MAD1L1: variants seen among roughly 807,000 people sequenced by gnomAD.
MAD1L1 encodes the protein mitotic arrest deficient 1 like 1.
In MAD1L1, 95 loss-of-function variants were observed where a neutral mutation model predicts 96.9. The observed-to-expected ratio is 0.98, with a 90% CI of 0.83 to 1.16. The LOEUF is 1.16. MAD1L1 is among the 50% of genes most tolerant of loss of function. MAD1L1 has a pLI of 0.00. For missense variants in MAD1L1, 1,007 were observed against 954.4 expected (o/e 1.06, Z -0.73); for synonymous variants, 473 against 396.6 (o/e 1.19, Z -2.29).
intron 18 of MAD1L1, among the ~76,000 whole-genome samples, chr7:1,860,312 C>G (rs1303752355): frequency 6.9e-6 from 1 of 144,272 alleles, no homozygotes; most frequent in African/African-American, 2.6e-5. Flanking sequence ...GACCTGACAT[C>G]TGGCGGGGCG....
In MAD1L1 at chr7:1,837,095, T is replaced by C. The variant is rs541646935; in HGVS notation, c.1999-20867A>G. On this transcript the variant is annotated intron_variant, in intron 18 of 18. Transcript: ENST00000265854. ...TGATGAAGGATTTGCATCTGGAGTATACAAAGAACTCTCAAAACTCATTAA... is the reference window on the plus strand; with the variant it reads ...TGATGAAGGATTTGCATCTGGAGTACACAAAGAACTCTCAAAACTCATTAA... 2.6e-5 allele frequency among the ~76,000 whole-genome samples: 4 copies of C among 152,258 alleles called. 1 individual carries two copies. In the South Asian group the frequency reaches 6.2e-4, roughly 24 times the overall value.
intron 11 of MAD1L1, among the ~76,000 whole-genome samples, chr7:2,100,312 C>T (rs2128550414): frequency 6.6e-6 from 1 of 152,344 alleles, no homozygotes; most frequent in East Asian, 1.9e-4. Flanking sequence ...TCTTGAAACT[C>T]TATGGCAGAA....
intron 14 of MAD1L1, among the ~76,000 whole-genome samples, chr7:1,983,539 T>G (rs532215807): frequency 1.6e-4 from 25 of 152,372 alleles, no homozygotes; most frequent in African/African-American, 5.8e-4. Context: ...GAGATATAAT[T>G]CATAATTCTT....
intron 18 of MAD1L1, among the ~76,000 whole-genome samples, chr7:1,859,841 G>A (rs1368794281): frequency 6.8e-6 from 1 of 146,674 alleles, no homozygotes; most frequent in Non-Finnish European, 1.5e-5. Flanking sequence ...CCTTAGACAT[G>A]ATACCCGGCG....
At chr7:2,135,127 A>C (rs769310736) in intron 11 of MAD1L1, among the ~76,000 whole-genome samples, 1 of 152,366 alleles carries the variant, frequency 6.6e-6, no homozygotes, top group Non-Finnish European at 1.5e-5. Context: ...AAAGGTGTGA[A>C]GGAACGGTGA....
At chr7:2,005,856 C>A (rs1782008018) in intron 13 of MAD1L1, among the ~76,000 whole-genome samples, 1 of 152,172 alleles carries the variant, frequency 6.6e-6, no homozygotes, top group Admixed American at 6.5e-5. Flanking sequence ...TTGTAACCGG[C>A]TGCATCTTCC....
intron 11 of MAD1L1, among the ~76,000 whole-genome samples, chr7:2,116,637 G>A (rs536719395): frequency 6.1e-4 from 92 of 151,174 alleles, no homozygotes; most frequent in African/African-American, 2.2e-3. Flanking sequence ...AGCAGTAACA[G>A]GCCATGTGTC....
intron 17 of MAD1L1, among the ~76,000 whole-genome samples, chr7:1,935,934 C>A (rs561797664): frequency 2.6e-5 from 4 of 152,368 alleles, no homozygotes; most frequent in East Asian, 1.9e-4. Context: ...GGACAGGGAA[C>A]CCTCCCCCAG....
intron 10 of MAD1L1, among the ~76,000 whole-genome samples, chr7:2,172,756 G>A (rs187785625): frequency 2.4e-4 from 36 of 152,348 alleles, no homozygotes; most frequent in African/African-American, 5.8e-4. Flanking sequence ...GAGAACCCAC[G>A]TGGCTGGCCG....
At chr7:2,077,612 C>T (rs1017825468) in intron 11 of MAD1L1, among the ~76,000 whole-genome samples, 1 of 152,214 alleles carries the variant, frequency 6.6e-6, no homozygotes, top group African/African-American at 2.4e-5. Context: ...TGCGACCCAG[C>T]GGGGAGCAGT....
chr7:1,964,037 A>G (rs1780058687), intron 15 of MAD1L1, among the ~76,000 whole-genome samples: 1 of 152,176 alleles, frequency 6.6e-6, no homozygotes, highest in African/African-American at 2.4e-5. Context: ...GTGCCTGAGT[A>G]AAGGGGAGAC....
At chr7:1,829,714 C>A (rs1473292835) in intron 18 of MAD1L1, 3 of 106,536 alleles carry the variant, frequency 2.8e-5, no homozygotes, top group African/African-American at 7.1e-5. Context: ...AGAACCCCAA[C>A]CACCAAAAAA....
intron 10 of MAD1L1, among the ~76,000 whole-genome samples, chr7:2,212,759 C>T (rs138388505): frequency 9.9e-5 from 15 of 152,268 alleles, no homozygotes; most frequent in African/African-American, 3.4e-4. Context: ...TCATAATTAC[C>T]CAGTCTCTGG....
At chr7:1,980,356 G>GT (rs1381318001) in intron 15 of MAD1L1, 97 bp downstream of exon 15, 5 of 1,001,288 alleles carry the variant, frequency 5.0e-6, no homozygotes, top group Non-Finnish European at 7.5e-6. Context: ...ACACCTGGGC[G>GT]TATCTGCCTC....
At chr7:2,057,999 C>G (rs938960939) in intron 12 of MAD1L1, among the ~76,000 whole-genome samples, 1 of 143,624 alleles carries the variant, frequency 7.0e-6, no homozygotes, top group Non-Finnish European at 1.5e-5. Context: ...AGGAGAGGCG[C>G]GGGGCTGGAG....
rs538607758 is a variant in MAD1L1, at chr7:1,862,987, T to C, written c.1998+35213A>G. Among the ~76,000 whole-genome samples, 6 of 152,308 alleles carry C rather than the reference T, an allele frequency of 3.9e-5. No individual in the cohort carries two copies. The South Asian group carries it at 6.2e-4, about 16-fold the overall frequency. ...GGGGATCAGACAAGTCCCACATGTG[T>C]TGGGGAGACCCAGAGCCTCCTCCTC... On this transcript the variant is annotated intron_variant, in intron 18 of 18. Transcript: ENST00000265854.
chr7:2,150,071 G>A (rs1789494624), intron 10 of MAD1L1, among the ~76,000 whole-genome samples: 1 of 152,192 alleles, frequency 6.6e-6, no homozygotes, highest in South Asian at 2.1e-4. Context: ...AGCAGGCGCT[G>A]GCAATGCTGT....
intron 12 of MAD1L1, 47 bp from the exon 13 acceptor site, chr7:2,014,689 G>C (rs564107476): frequency 2.4e-5 from 37 of 1,557,252 alleles, no homozygotes; most frequent in Non-Finnish European, 3.1e-5. Context: ...CGGGGGATGA[G>C]GTAATGATGG....
intron 11 of MAD1L1, among the ~76,000 whole-genome samples, chr7:2,083,449 T>A (rs905670167): frequency 2.0e-5 from 3 of 152,238 alleles, no homozygotes; most frequent in East Asian, 3.9e-4. Context: ...GAGCACTTCT[T>A]GGCTTACACA....
Sources: gnomAD v4.1 joint callset for allele counts (sites outside exome capture counted in the v4.1 genomes callset) on GRCh38, gnomAD v4.1.1 for gene constraint, MANE v1.5 for transcripts, NCBI Gene and HGNC (gene_info 2026-07-23, HGNC 2026-07-21) for gene names.